Variants in NUP205 observed in about 807,000 individuals in gnomAD.
The protein encoded by NUP205 is nucleoporin 205.
A neutral mutation model predicts 253.8 loss-of-function variants in NUP205; 76 were observed. The ratio of observed to expected loss-of-function variants is 0.30; its 90% CI spans 0.25 to 0.36. The LOEUF (loss-of-function observed/expected upper bound fraction) is 0.36, where lower values mean the gene tolerates loss of function less well. Among genes scored for constraint, NUP205 ranks in the 10% least tolerant of loss-of-function variants. NUP205 has a pLI of 1.00. For missense variants in NUP205, 2,162 were observed against 2,425.5 expected, an observed-to-expected ratio of 0.89 and a Z score of 2.28; for synonymous variants, 832 against 850.1, an observed-to-expected ratio of 0.98 and a Z score of 0.37.
chr7:135,619,996 G>T, intron 30 of NUP205, 108 bp downstream of exon 30: 2 of 721,238 alleles, frequency 2.8e-6, no homozygotes, highest in Non-Finnish European at 4.8e-6. Flanking sequence ...TGTAAAAAAT[G>T]AGTGTTAGTG....
chr7:135,618,431 A>G lies in NUP205; in HGVS notation c.3791A>G (p.Gln1264Arg), dbSNP rs1486833359. The G allele has an allele frequency of 2.5e-6, 4 of 1,613,966 alleles. No homozygotes were observed. Residue 1264 changes from glutamine (Q) to arginine (R), a missense_variant, in exon 28 of 43, where the codon CAG becomes CGG. This residue lies in a region of NUP205 where 1,144 missense variants were observed against 1,280.9 expected (regional missense o/e 0.89). Transcript: ENST00000285968. ...CTTTAGGAAATCAGCACTGTACTTC[A>G]GTATGTGGTAGGAAGAAATAAATTG... Reference protein sequence around the residue: ...LLMEEISTVLQYVVGRNKLLQ... With the variant: ...LLMEEISTVLRYVVGRNKLLQ...
Position 135,577,003 on chromosome 7 carries a change from G to A in NUP205, c.523G>A (p.Asp175Asn). ...GGCTTCCATGACAACACGCTTTACA[G>A]ATGAGCTGATGGAGCAAGGATTGAC... ...ELASMTTRFT[D>N]ELMEQGLTYK... Residue 175 changes from aspartate to asparagine, a missense_variant, in exon 5 of 43, where the codon GAT becomes AAT. By Grantham distance (23) the Asp-to-Asn change is conservative. Coordinates refer to ENST00000285968, the MANE Select transcript of NUP205 (RefSeq NM_015135.3). 1.2e-6 allele frequency: 2 copies of A among 1,614,062 alleles called. No individual in the cohort carries two copies. The highest frequency in any genetic ancestry group is 2.2e-5 in the South Asian group (2 of 91,066).
intron 13 of NUP205, among the ~76,000 whole-genome samples, chr7:135,595,885 T>C (rs959149777): frequency 5.9e-5 from 9 of 152,106 alleles, no homozygotes; most frequent in African/African-American, 2.2e-4. Flanking sequence ...TTGGAAGTAA[T>C]ACAACTTAAG....
chr7:135,619,375 T>G, intron 28 of NUP205, 48 bp from the exon 29 acceptor site: 1 of 1,573,208 alleles, frequency 6.4e-7, no homozygotes, highest in Non-Finnish European at 8.6e-7. Context: ...TGTTAATGAT[T>G]ATAGCTGAAA....
chr7:135,614,397 G>A, intron 23 of NUP205, 124 bp downstream of exon 23: 1 of 591,186 alleles, frequency 1.7e-6, no homozygotes, highest in South Asian at 2.1e-5. Context: ...TTGTTATTTT[G>A]GGTTCTTTTT....
chr7:135,579,022 GAT>G, intron 7 of NUP205, 107 bp downstream of exon 7: 1 of 809,062 alleles, frequency 1.2e-6, no homozygotes, highest in South Asian at 2.3e-5. Context: ...AGCATAGGAA[GAT>G]ATCCAGAGTT....
chr7:135,583,789 T>C (rs1008552633), intron 7 of NUP205, among the ~76,000 whole-genome samples: 1 of 151,668 alleles, frequency 6.6e-6, no homozygotes. Flanking sequence ...GATACGATAA[T>C]GGTGTTGTGT....
At chr7:135,577,305 A>T (rs1422247181) in intron 5 of NUP205, among the ~76,000 whole-genome samples, 177 bp downstream of exon 5, 1 of 152,084 alleles carries the variant, frequency 6.6e-6, no homozygotes, top group Non-Finnish European at 1.5e-5. Context: ...GTACATATGT[A>T]TAGGGTACAG....
intron 10 of NUP205, among the ~76,000 whole-genome samples, chr7:135,588,475 C>T (rs1434767691): frequency 6.6e-6 from 1 of 150,884 alleles, no homozygotes; most frequent in African/African-American, 2.4e-5. Context: ...ATTTGAAACT[C>T]TTAAAATTTA....
rs200435011 is a variant in NUP205 at position 135,626,329 on chromosome 7, C to T, written c.4761C>T (p.Val1587=). The change falls in exon 33 of 43, where the codon GTC becomes GTT. Residue 1587 remains valine, a synonymous_variant. Coordinates refer to ENST00000285968, the MANE Select transcript of NUP205 (RefSeq NM_015135.3). Reference sequence around the variant, plus strand: ...TTGTGAGACTAGCTCAATGCCAAGTCTATGACATGCGCCCAGAAACGGACC... The same window carrying T: ...TTGTGAGACTAGCTCAATGCCAAGTTTATGACATGCGCCCAGAAACGGACC... The part of the protein sequence containing the change: ...GVIVRLAQCQ[V]YDMRPETDPQ... The T allele has an allele frequency of 2.2e-4, 349 of 1,614,106 alleles. 2 individuals are homozygous for T. The highest frequency in any genetic ancestry group is 1.7e-5 in the Non-Finnish European group (20 of 1,180,002).
At chr7:135,610,586 C>G (rs544046871) in intron 22 of NUP205, among the ~76,000 whole-genome samples, 5,983 of 152,232 alleles carry the variant, frequency 0.039, 231 homozygotes, top group African/African-American at 0.098. Context: ...AGCATTATCT[C>G]CTAGGAGCTT....
Position 135,631,951 on chromosome 7 carries a change from G to A in NUP205, c.5059+1481G>A, listed in dbSNP as rs562605082. Among the ~76,000 whole-genome samples, 46 of 152,024 alleles carry A rather than the reference G, an allele frequency of 3.0e-4. 1 individual carries two copies. The East Asian group carries it at 8.5e-3, about 28-fold the overall frequency. ...TTTTTAGTAGAGACGGGGTTTCACCGTGTTAGCCAGGTCTTGATCTCCTGA... is the reference window on the plus strand; with the variant it reads ...TTTTTAGTAGAGACGGGGTTTCACCATGTTAGCCAGGTCTTGATCTCCTGA... On this transcript the variant is annotated intron_variant, in intron 35 of 42. Coordinates refer to ENST00000285968, the MANE Select transcript of NUP205 (RefSeq NM_015135.3).
At chr7:135,636,359 A>AT (rs1222879298) in intron 36 of NUP205, among the ~76,000 whole-genome samples, 1 of 152,102 alleles carries the variant, frequency 6.6e-6, no homozygotes, top group Non-Finnish European at 1.5e-5. Context: ...TACTATTAGC[A>AT]TTTTTGTGTA....
In NUP205 at chr7:135,576,203, G is replaced by A. The variant is rs1806146634; in HGVS notation, c.344-67G>A. The A allele has an allele frequency of 2.9e-6, 4 of 1,379,920 alleles. No individual in the cohort carries two copies. In the South Asian group the frequency reaches 3.6e-5, roughly 13 times the overall value. 85.5% of individuals were successfully genotyped at this position (1,379,920 alleles called of 1,614,324 possible). On this transcript the variant is annotated intron_variant, in intron 3 of 42. Transcript: ENST00000285968. ...TCTTTGAACTGAACATTGTTATATT[G>A]ATTTTTGTCTCCTCCTAAACACATA...
chr7:135,624,454 G>A (rs993275204), intron 31 of NUP205, among the ~76,000 whole-genome samples: 2 of 152,132 alleles, frequency 1.3e-5, no homozygotes, highest in African/African-American at 2.4e-5. Flanking sequence ...TCGGCTCACT[G>A]CAACCTCTGC....
chr7:135,646,122 T>G (rs754921902), intron 41 of NUP205, 36 bp from the exon 42 acceptor site: 10 of 1,414,422 alleles, frequency 7.1e-6, no homozygotes, highest in South Asian at 5.8e-5. Context: ...GATAGGTACT[T>G]GCACAGCCGG....
chr7:135,647,402 G>T (rs372679876), intron 42 of NUP205, among the ~76,000 whole-genome samples: 2 of 152,182 alleles, frequency 1.3e-5, no homozygotes, highest in Non-Finnish European at 2.9e-5. Context: ...GACTACATTC[G>T]CCCCTTAGTG....
chr7:135,629,997 CAAT>C, intron 34 of NUP205, among the ~76,000 whole-genome samples: 1 of 152,046 alleles, frequency 6.6e-6, no homozygotes, highest in Admixed American at 6.6e-5. Flanking sequence ...TTTGGCCAAA[CAAT>C]AAAGAAAATA....
rs1260524657 is a variant in NUP205, at chr7:135,591,438, T to C, written c.1474-12T>C. ...ATACATTATATAAACCATTTGTTTCTCTCTTTTTCAGGTTGTCTTGTCAAA... is the reference window on the plus strand; with the variant it reads ...ATACATTATATAAACCATTTGTTTCCCTCTTTTTCAGGTTGTCTTGTCAAA... On this transcript the variant is annotated splice_polypyrimidine_tract_variant and intron_variant, in intron 10 of 42. Transcript: ENST00000285968. The C allele has an allele frequency of 2.5e-6, 4 of 1,612,714 alleles. No homozygotes were observed. The East Asian group carries it at 8.9e-5, about 36-fold the overall frequency.
Sources: gnomAD v4.1 joint callset for allele counts (sites outside exome capture counted in the v4.1 genomes callset) on GRCh38, gnomAD v4.1.1 for gene constraint, gnomAD v4.1.1 regional missense constraint, MANE v1.5 for transcripts, NCBI Gene and HGNC (gene_info 2026-07-23, HGNC 2026-07-21) for gene names.